The following RNGTT variants were observed in gnomAD, a reference collection of about 807,000 sequenced individuals.
RNGTT encodes RNA guanylyltransferase and 5'-phosphatase, also known as mRNA-capping enzyme.
A neutral mutation model predicts 79.3 loss-of-function variants in RNGTT; 33 were observed. The observed-to-expected ratio is 0.42, with a 90% confidence interval of 0.32 to 0.56. The LOEUF (loss-of-function observed/expected upper bound fraction) is 0.56. Ranked by LOEUF, RNGTT falls within the 20% of genes least tolerant of loss-of-function variation. The pLI is 0.17. For missense variants in RNGTT, 497 were observed against 739.1 expected, an observed-to-expected ratio of 0.67 and a Z score of 3.80; for synonymous variants, 222 against 235.9, an observed-to-expected ratio of 0.94 and a Z score of 0.54.
At chr6:88,664,895 G>A (rs942680549) in intron 14 of RNGTT, among the ~76,000 whole-genome samples, 2 of 152,134 alleles carry the variant, frequency 1.3e-5, no homozygotes, top group African/African-American at 2.4e-5. Flanking sequence ...CACCCCGGTC[G>A]CCCCCTTGTC....
intron 14 of RNGTT, among the ~76,000 whole-genome samples, chr6:88,633,563 A>T (rs1463054384): frequency 6.6e-6 from 1 of 152,210 alleles, no homozygotes. Context: ...CTCCAACCTG[A>T]CAATAAGCTC....
chr6:88,914,003 G>A (rs1194598900), intron 4 of RNGTT, among the ~76,000 whole-genome samples: 1 of 152,012 alleles, frequency 6.6e-6, no homozygotes, highest in Non-Finnish European at 1.5e-5. Flanking sequence ...TTCAACCTGA[G>A]AGCCAAATGA....
At chr6:88,785,931 A>C (rs185160919) in intron 12 of RNGTT, among the ~76,000 whole-genome samples, 6 of 152,300 alleles carry the variant, frequency 3.9e-5, no homozygotes, top group Admixed American at 3.9e-4. Flanking sequence ...AATCAAGCTG[A>C]ACCACCTTAT....
At chr6:88,732,820 G>T (rs1197846686) in intron 13 of RNGTT, among the ~76,000 whole-genome samples, 7 of 152,134 alleles carry the variant, frequency 4.6e-5, no homozygotes, top group African/African-American at 1.7e-4. Flanking sequence ...ATGTTTAATG[G>T]GTTACAGAGT....
chr6:88,762,082 C>T (rs1778284932), intron 13 of RNGTT, among the ~76,000 whole-genome samples: 1 of 152,124 alleles, frequency 6.6e-6, no homozygotes, highest in African/African-American at 2.4e-5. Flanking sequence ...CCCAAAATGC[C>T]ACTGCAGTCC....
chr6:88,852,060 C>A (rs754200049), intron 9 of RNGTT, among the ~76,000 whole-genome samples: 16 of 152,034 alleles, frequency 1.1e-4, no homozygotes, highest in Non-Finnish European at 1.3e-4. Flanking sequence ...AACTCCTACA[C>A]AAAACATATT....
At chr6:88,702,019 A>T (rs1035452580) in intron 13 of RNGTT, among the ~76,000 whole-genome samples, 3 of 152,154 alleles carry the variant, frequency 2.0e-5, no homozygotes, top group Non-Finnish European at 4.4e-5. Flanking sequence ...AGGAGGTGAC[A>T]GGTCTTTACA....
intron 13 of RNGTT, among the ~76,000 whole-genome samples, chr6:88,713,522 T>C (rs1487798409): frequency 1.3e-5 from 2 of 152,190 alleles, no homozygotes; most frequent in Non-Finnish European, 2.9e-5. Context: ...TTCTTTCACA[T>C]GGTAGCATCG....
intron 13 of RNGTT, among the ~76,000 whole-genome samples, chr6:88,762,822 T>G (rs1325032790): frequency 6.6e-6 from 1 of 152,192 alleles, no homozygotes; most frequent in African/African-American, 2.4e-5. Context: ...AGAGAGAACC[T>G]GAGTAAAGAG....
chr6:88,810,118 G>T (rs1025082583), intron 11 of RNGTT, among the ~76,000 whole-genome samples: 1 of 151,988 alleles, frequency 6.6e-6, no homozygotes, highest in African/African-American at 2.4e-5. Context: ...ACAAATCAAC[G>T]ACCTCAACTT....
At chr6:88,902,752 G>C (rs1355187097) in intron 6 of RNGTT, among the ~76,000 whole-genome samples, 1 of 127,868 alleles carries the variant, frequency 7.8e-6, no homozygotes, top group East Asian at 2.2e-4. Context: ...GCTGGGTACA[G>C]TGGCGCAATC....
intron 14 of RNGTT, among the ~76,000 whole-genome samples, chr6:88,625,774 C>T (rs2127767307): frequency 6.6e-6 from 1 of 151,786 alleles, no homozygotes; most frequent in East Asian, 1.9e-4. Context: ...AAACAAGAAA[C>T]AGGTCAGTTA....
At chr6:88,857,726 G>T (rs1157625300) in intron 8 of RNGTT, among the ~76,000 whole-genome samples, 1 of 152,004 alleles carries the variant, frequency 6.6e-6, no homozygotes, top group Non-Finnish European at 1.5e-5. Flanking sequence ...TAATTACAGA[G>T]GAAAGGAGGA....
At chr6:88,828,324 CA>C (rs1182827340) in intron 11 of RNGTT, among the ~76,000 whole-genome samples, 1 of 152,208 alleles carries the variant, frequency 6.6e-6, no homozygotes, top group Non-Finnish European at 1.5e-5. Flanking sequence ...GGAAAACTAA[CA>C]AACAGAAAGG....
chr6:88,647,165 A>C (rs1469559444), intron 14 of RNGTT, among the ~76,000 whole-genome samples: 7 of 152,184 alleles, frequency 4.6e-5, no homozygotes, highest in African/African-American at 1.7e-4. Context: ...ACCAGAGTAC[A>C]GGTTTCTTCT....
At position 88,771,350 on chromosome 6, in the gene RNGTT, T is replaced by TAC. The variant is rs71021396; in HGVS notation, c.1339-1478_1339-1477dup. Among the ~76,000 whole-genome samples the TAC allele has an allele frequency of 7.1e-3, 822 of 116,064 alleles. 9 individuals are homozygous for TAC. The highest frequency in any genetic ancestry group is 0.016 in the East Asian group (62 of 3,954). The allele number at this position is 116,064 out of a possible 152,430, so 76.1% of individuals were successfully genotyped here. A position where few individuals can be genotyped will look rare whatever the true frequency, so the allele number is the denominator to read the frequency against. ...ATATATATATATATATATATATATA[T>TAC]ACACACACACACACACACACAATTT... On this transcript the variant is annotated intron_variant, in intron 12 of 15. Transcript: ENST00000369485.
intron 14 of RNGTT, among the ~76,000 whole-genome samples, chr6:88,660,828 T>G (rs1774155797): frequency 6.6e-6 from 1 of 152,140 alleles, no homozygotes; most frequent in Non-Finnish European, 1.5e-5. Context: ...TTAACAGATA[T>G]TTACACAACA....
At chr6:88,914,062 G>A (rs974645678) in intron 4 of RNGTT, among the ~76,000 whole-genome samples, 30 of 151,890 alleles carry the variant, frequency 2.0e-4, no homozygotes, top group Admixed American at 1.8e-3. Flanking sequence ...AAAATACCTA[G>A]GAATACACCC....
At chr6:88,888,561 C>G (rs1782942034) in intron 8 of RNGTT, among the ~76,000 whole-genome samples, 1 of 152,146 alleles carries the variant, frequency 6.6e-6, no homozygotes, top group South Asian at 2.1e-4. Flanking sequence ...ATAACTGCTG[C>G]AAGCACACAA....
Sources: gnomAD v4.1 joint callset for allele counts (sites outside exome capture counted in the v4.1 genomes callset) on GRCh38, gnomAD v4.1.1 for gene constraint, MANE v1.5 for transcripts, NCBI Gene and HGNC (gene_info 2026-07-23, HGNC 2026-07-21) for gene names.